Variants in HPCAL1 observed in about 807,000 individuals in gnomAD.
HPCAL1 encodes hippocalcin-like protein 1.
A neutral mutation model predicts 17.1 loss-of-function variants in HPCAL1; 8 were observed. The observed-to-expected ratio is 0.47, with a 90% CI of 0.27 to 0.84. The LOEUF (loss-of-function observed/expected upper bound fraction) is 0.84, where lower values mean the gene tolerates loss of function less well. HPCAL1 is among the 40% of genes least tolerant of loss of function. HPCAL1 has a pLI of 0.13. For synonymous variants in HPCAL1, 112 were observed against 111.4 expected, an observed-to-expected ratio of 1.01 and a Z score of -0.03; for missense variants, 165 against 271.1, an observed-to-expected ratio of 0.61 and a Z score of 2.75.
intron 2 of HPCAL1, among the ~76,000 whole-genome samples, chr2:10,400,603 C>A (rs778029880): frequency 6.6e-6 from 1 of 152,162 alleles, no homozygotes; most frequent in African/African-American, 2.4e-5. Context: ...AGGGACAATC[C>A]TCCTGTGTTG....
intron 1 of HPCAL1, among the ~76,000 whole-genome samples, chr2:10,385,079 T>A (rs1458325892): frequency 6.9e-6 from 1 of 145,034 alleles, no homozygotes; most frequent in African/African-American, 2.6e-5. Context: ...AGCCTGGCGA[T>A]AGAGCAAGAC....
intron 1 of HPCAL1, among the ~76,000 whole-genome samples, chr2:10,308,031 G>C (rs1662731813): frequency 6.6e-6 from 1 of 152,164 alleles, no homozygotes; most frequent in African/African-American, 2.4e-5. Context: ...CTTGGGCTGG[G>C]GGTTGTATGT....
At chr2:10,379,944 A>G (rs1345005425) in intron 1 of HPCAL1, among the ~76,000 whole-genome samples, 1 of 152,192 alleles carries the variant, frequency 6.6e-6, no homozygotes, top group Non-Finnish European at 1.5e-5. Flanking sequence ...TGGCCCAACC[A>G]TGAATACTTT....
chr2:10,423,015 G>C lies in HPCAL1; in HGVS notation c.411G>C (p.Lys137Asn). 6.2e-7 allele frequency: 1 copy of C among 1,613,618 alleles called. No homozygotes were observed. The highest frequency in any genetic ancestry group is 8.5e-7 in the Non-Finnish European group (1 of 1,179,922). ...AIYKMVSSVM[K>N]MPEDESTPEK... ...ACAAGATGGTGTCGTCTGTGATGAA[G>C]ATGCCGGAGGATGAGTCCACCCCGG... Residue 137 changes from lysine to asparagine, a missense_variant, in exon 4 of 5, where the codon AAG becomes AAC. Transcript: ENST00000307845.
chr2:10,399,574 C>T lies in HPCAL1; in HGVS notation c.-25+2654C>T, dbSNP rs1399425147. Among the ~76,000 whole-genome samples, 218 of 43,912 alleles carry T rather than the reference C, an allele frequency of 5.0e-3. 1 individual carries two copies. Among genetic ancestry groups the T allele is most frequent in the Admixed American group, 7.1e-3 (32 of 4,480 alleles). The allele number at this position is 43,912 out of a possible 152,430, so 28.8% of individuals were successfully genotyped here. A position where few individuals can be genotyped will look rare whatever the true frequency, so the allele number is the denominator to read the frequency against. On this transcript the variant is annotated intron_variant, in intron 2 of 4. Coordinates refer to ENST00000307845, the MANE Select transcript of HPCAL1 (RefSeq NM_002149.4). ...GCCACCACTACCGCCACCGCCACCA[C>T]CACCGCCACCGCCACCGCCACCACC...
At chr2:10,336,630 G>A (rs1205098699) in intron 1 of HPCAL1, among the ~76,000 whole-genome samples, 1 of 152,206 alleles carries the variant, frequency 6.6e-6, no homozygotes, top group Non-Finnish European at 1.5e-5. Context: ...TGTTGGTTGT[G>A]GCTCTGCTCT....
intron 1 of HPCAL1, among the ~76,000 whole-genome samples, chr2:10,334,795 C>T (rs1173160080): frequency 6.6e-6 from 1 of 151,802 alleles, no homozygotes; most frequent in East Asian, 1.9e-4. Context: ...AAGCAATCTT[C>T]CCACCTCAGC....
At chr2:10,388,027 C>CT (rs559355206) in intron 1 of HPCAL1, among the ~76,000 whole-genome samples, 224 of 152,238 alleles carry the variant, frequency 1.5e-3, no homozygotes, top group African/African-American at 5.2e-3. Context: ...ACTCGCAGGC[C>CT]CCCCATGGGA....
At position 10,330,052 on chromosome 2, in the gene HPCAL1, CACTT is replaced by C. The variant is rs1664260235; in HGVS notation, c.-111+26876_-111+26879del. 6.6e-6 allele frequency: 1 copy of C among 151,980 alleles called. No individual in the cohort carries two copies. 9.4% of individuals were successfully genotyped at this position (151,980 alleles called of 1,614,324 possible). A position where few individuals can be genotyped will look rare whatever the true frequency, so the allele number is the denominator to read the frequency against. ...CACAAATGGTCTTCAACCCTCAAAA[CACTT>C]CCTGTTATTTAAATCTTGGTCCTTT... On this transcript the variant is annotated intron_variant, in intron 1 of 4. Transcript: ENST00000307845. The surrounding 1 kb of genome is among the most constrained non-coding windows in gnomAD (Gnocchi z 4.2).
intron 3 of HPCAL1, among the ~76,000 whole-genome samples, chr2:10,420,746 G>A (rs959430308): frequency 2.0e-5 from 3 of 152,158 alleles, no homozygotes; most frequent in Admixed American, 2.0e-4. Flanking sequence ...TCAAATAGAT[G>A]AATTTCTAAA....
At chr2:10,386,804 A>G (rs1412338940) in intron 1 of HPCAL1, among the ~76,000 whole-genome samples, 1 of 152,086 alleles carries the variant, frequency 6.6e-6, no homozygotes, top group Non-Finnish European at 1.5e-5. Flanking sequence ...CCACCTCTCC[A>G]TGGACCCACC....
chr2:10,346,615 G>A (rs957740810), intron 1 of HPCAL1, among the ~76,000 whole-genome samples: 3 of 152,280 alleles, frequency 2.0e-5, no homozygotes, highest in African/African-American at 7.2e-5. Flanking sequence ...GGTCTACCAG[G>A]CTGAGACCCA....
chr2:10,397,262 C>T (rs1332984842), intron 2 of HPCAL1, among the ~76,000 whole-genome samples: 4 of 152,046 alleles, frequency 2.6e-5, no homozygotes, highest in Admixed American at 1.3e-4. Flanking sequence ...TTGAGAAGGA[C>T]GTGTGGGTGA....
At chr2:10,392,884 C>T (rs185075912) in intron 1 of HPCAL1, among the ~76,000 whole-genome samples, 1 of 152,296 alleles carries the variant, frequency 6.6e-6, no homozygotes, top group African/African-American at 2.4e-5. Flanking sequence ...CCAGGAAAAG[C>T]GTGTGTGTGA....
chr2:10,305,619 C>T (rs1347393863), intron 1 of HPCAL1, among the ~76,000 whole-genome samples: 2 of 152,208 alleles, frequency 1.3e-5, no homozygotes, highest in African/African-American at 4.8e-5. Flanking sequence ...ATGGAAGGTC[C>T]TTTGATCTGT....
At chr2:10,420,209 CTTTTTT>C (rs369044166) in intron 3 of HPCAL1, 74 bp downstream of exon 3, 18 of 571,962 alleles carry the variant, frequency 3.1e-5, no homozygotes, top group Admixed American at 9.3e-5. Context: ...CAGCCCAGGG[CTTTTTT>C]TTTTTTTTTT....
At position 10,362,682 on chromosome 2, in the gene HPCAL1, T is replaced by C. The variant is rs756095453; in HGVS notation, c.-110-34153T>C. Among the ~76,000 whole-genome samples the C allele has an allele frequency of 1.1e-4, 16 of 151,986 alleles. No homozygotes were observed. Among genetic ancestry groups the C allele is most frequent in the Admixed American group, 2.0e-4 (3 of 15,258 alleles). ...TGCTGCTTTGGGAGAGAAGGGAGGGTAGCCCTGAGGCCATCCCAAATGCGA... is the reference window on the plus strand; with the variant it reads ...TGCTGCTTTGGGAGAGAAGGGAGGGCAGCCCTGAGGCCATCCCAAATGCGA... On this transcript the variant is annotated intron_variant, in intron 1 of 4. Coordinates refer to ENST00000307845, the MANE Select transcript of HPCAL1 (RefSeq NM_002149.4). The surrounding 1 kb of genome is among the most constrained non-coding windows in gnomAD (Gnocchi z 5.0).
intron 2 of HPCAL1, chr2:10,408,451 C>T (rs876614): frequency 0.34 from 52,105 of 152,108 alleles, 9,184 homozygotes; most frequent in South Asian, 0.45. Context: ...TCAGGAAGGC[C>T]TCCAGAAATG....
intron 1 of HPCAL1, among the ~76,000 whole-genome samples, chr2:10,316,947 G>T (rs74503880): frequency 2.6e-5 from 4 of 152,028 alleles, no homozygotes; most frequent in African/African-American, 7.3e-5. Context: ...AAAAAAATTC[G>T]TATGGCTTCA....
Sources: allele counts gnomAD v4.1 joint callset (sites outside exome capture counted in the v4.1 genomes callset), GRCh38; gene constraint gnomAD v4.1.1; non-coding constraint Gnocchi (gnomAD v3.1); transcripts MANE v1.5; gene names NCBI Gene and HGNC (gene_info 2026-07-23, HGNC 2026-07-21).